MACO1: variants seen among roughly 807,000 people sequenced by gnomAD.
MACO1 encodes macoilin.
In MACO1, 14 loss-of-function variants were observed where a neutral mutation model predicts 78.7. The observed-to-expected ratio is 0.18, with a 90% confidence interval of 0.12 to 0.28. The LOEUF (loss-of-function observed/expected upper bound fraction) is 0.28, where lower values mean the gene tolerates loss of function less well. Ranked by LOEUF, MACO1 falls within the 10% of genes least tolerant of loss-of-function variation. The pLI is 1.00. For synonymous variants in MACO1, 288 were observed against 291.6 expected, an observed-to-expected ratio of 0.99 and a Z score of 0.12; for missense variants, 501 against 799.0, an observed-to-expected ratio of 0.63 and a Z score of 4.50.
rs759266355 is a variant in MACO1 at position 25,480,913 on chromosome 1, T to TAAA, written c.1155-3188_1155-3186dup. Among the ~76,000 whole-genome samples the TAAA allele has an allele frequency of 2.2e-3, 35 of 16,204 alleles. 2 individuals carry two copies. Among genetic ancestry groups the TAAA allele is most frequent in the East Asian group, 0.018 (5 of 278 alleles). The allele number at this position is 16,204 out of a possible 152,430, so 10.6% of individuals were successfully genotyped here. On this transcript the variant is annotated intron_variant, in intron 6 of 10. Transcript: ENST00000374343. ...CCTGGGCAACAGAGTGAGACTTGGTTAAAAAAAAAAAAAAAAATATATATA... is the reference window on the plus strand; with the variant it reads ...CCTGGGCAACAGAGTGAGACTTGGTTAAAAAAAAAAAAAAAAAAAATATATATA...
intron 4 of MACO1, 86 bp downstream of exon 4, chr1:25,454,468 G>GTATATATATATATATATATATATA (rs1331624529): frequency 1.3e-5 from 2 of 152,516 alleles, no homozygotes; most frequent in Admixed American, 1.3e-4. Flanking sequence ...GTGTGTGTGT[G>GTATATATATATATATATATATATA]TGTATATATA....
intron 10 of MACO1, among the ~76,000 whole-genome samples, chr1:25,495,919 G>A (rs939015316): frequency 5.3e-5 from 8 of 152,054 alleles, no homozygotes; most frequent in Non-Finnish European, 4.4e-5. Context: ...TAGCAATCAC[G>A]CCACTGCACT....
At chr1:25,467,076 T>C (rs1255003210) in intron 6 of MACO1, among the ~76,000 whole-genome samples, 3 of 151,792 alleles carry the variant, frequency 2.0e-5, no homozygotes, top group African/African-American at 7.2e-5. Context: ...CTGACCAACA[T>C]GGTGAAACCT....
chr1:25,494,678 C>T (rs1221425865), intron 10 of MACO1, among the ~76,000 whole-genome samples: 1 of 152,032 alleles, frequency 6.6e-6, no homozygotes. Flanking sequence ...ATGGGGAGGG[C>T]GGACGGGCCA....
At chr1:25,437,228 G>A (rs1430577331) in intron 1 of MACO1, among the ~76,000 whole-genome samples, 1 of 150,114 alleles carries the variant, frequency 6.7e-6, no homozygotes, top group African/African-American at 2.5e-5. Flanking sequence ...TTCATCTCCT[G>A]GGTTCAAGAG....
At chr1:25,484,400 T>G in intron 7 of MACO1, 126 bp downstream of exon 7, 1 of 923,102 alleles carries the variant, frequency 1.1e-6, no homozygotes, top group Non-Finnish European at 1.5e-6. Context: ...ATAAAATGTT[T>G]AAAATACTTT....
At chr1:25,483,065 T>C (rs756614111) in intron 6 of MACO1, among the ~76,000 whole-genome samples, 12 of 152,240 alleles carry the variant, frequency 7.9e-5, no homozygotes, top group Non-Finnish European at 1.6e-4. Flanking sequence ...TTTTTTGTTT[T>C]TTGAGACAGA....
intron 10 of MACO1, 49 bp from the exon 11 acceptor site, chr1:25,498,215 G>A (rs1484030406): frequency 6.2e-7 from 1 of 1,601,350 alleles, no homozygotes; most frequent in Non-Finnish European, 8.5e-7. Flanking sequence ...GGGACATTGT[G>A]TTGGGTGAGG....
chr1:25,431,456 G>C (rs2042867095), intron 1 of MACO1, among the ~76,000 whole-genome samples: 2 of 150,754 alleles, frequency 1.3e-5, no homozygotes, highest in Admixed American at 1.3e-4. Flanking sequence ...CCGCCGGGGG[G>C]AGGGGCGGAG....
At chr1:25,432,559 G>C (rs1351640350) in intron 1 of MACO1, among the ~76,000 whole-genome samples, 1 of 152,144 alleles carries the variant, frequency 6.6e-6, no homozygotes, top group African/African-American at 2.4e-5. Context: ...ATTTTAACTT[G>C]AACTGTGAAA....
At chr1:25,449,064 G>T in intron 3 of MACO1, 130 bp downstream of exon 3, 2 of 712,050 alleles carry the variant, frequency 2.8e-6, no homozygotes, top group East Asian at 6.9e-5. Context: ...TTCTTAATAG[G>T]TTATAATATA....
At chr1:25,464,975 AT>A (rs374057922) in intron 6 of MACO1, among the ~76,000 whole-genome samples, 135 of 141,152 alleles carry the variant, frequency 9.6e-4, no homozygotes, top group Middle Eastern at 3.7e-3. Context: ...CGCCCAGGCA[AT>A]TTTTTTTTTT....
At chr1:25,494,407 G>A (rs1339167461) in intron 10 of MACO1, among the ~76,000 whole-genome samples, 1 of 152,168 alleles carries the variant, frequency 6.6e-6, no homozygotes, top group Admixed American at 6.5e-5. Context: ...AGAAGGTGCC[G>A]GGATGTTCAG....
At chr1:25,453,702 A>T (rs2043089221) in intron 3 of MACO1, among the ~76,000 whole-genome samples, 1 of 152,018 alleles carries the variant, frequency 6.6e-6, no homozygotes, top group East Asian at 1.9e-4. Context: ...TTCTGGGTAA[A>T]AGAAAGGTAC....
chr1:25,473,013 G>GA (rs769231738), intron 6 of MACO1, among the ~76,000 whole-genome samples: 3 of 152,084 alleles, frequency 2.0e-5, no homozygotes, highest in Non-Finnish European at 4.4e-5. Context: ...TATCAAGTGG[G>GA]AAAAAATAAG....
intron 1 of MACO1, among the ~76,000 whole-genome samples, chr1:25,445,677 T>C (rs964186658): frequency 6.6e-6 from 1 of 152,172 alleles, no homozygotes; most frequent in Non-Finnish European, 1.5e-5. Flanking sequence ...TTCAAAATTA[T>C]TTATTAAAAA....
intron 7 of MACO1, among the ~76,000 whole-genome samples, chr1:25,484,584 T>A (rs1342591330): frequency 6.6e-6 from 1 of 152,238 alleles, no homozygotes; most frequent in Non-Finnish European, 1.5e-5. Context: ...TCTGTCACAT[T>A]TTGAAAATTT....
chr1:25,445,168 G>A (rs1193778302), intron 1 of MACO1, among the ~76,000 whole-genome samples: 23 of 147,986 alleles, frequency 1.6e-4, no homozygotes, highest in Admixed American at 1.4e-4. Flanking sequence ...ACATGGTGGC[G>A]CATGCCTATA....
At chr1:25,446,126 G>T (rs750874423) in intron 1 of MACO1, among the ~76,000 whole-genome samples, 2 of 152,168 alleles carry the variant, frequency 1.3e-5, no homozygotes, top group African/African-American at 2.4e-5. Context: ...GATGTTTAAG[G>T]AGTTTTTTCT....
Sources: allele counts gnomAD v4.1 joint callset (sites outside exome capture counted in the v4.1 genomes callset), GRCh38; gene constraint gnomAD v4.1.1; transcripts MANE v1.5; gene names NCBI Gene and HGNC (gene_info 2026-07-23, HGNC 2026-07-21).